The following ESRRG variants were observed in gnomAD, a reference collection of about 807,000 sequenced individuals.
ESRRG encodes the protein estrogen-related receptor gamma.
In ESRRG, 13 loss-of-function variants were observed where a neutral mutation model predicts 44.0. The observed-to-expected ratio is 0.30, with a 90% CI of 0.19 to 0.47. The LOEUF (loss-of-function observed/expected upper bound fraction) is 0.47, where lower values mean the gene tolerates loss of function less well. Ranked by LOEUF, ESRRG falls within the 20% of genes least tolerant of loss-of-function variation. The pLI is 1.00. For synonymous variants in ESRRG, 215 were observed against 214.6 expected, an observed-to-expected ratio of 1.00 and a Z score of -0.02; for missense variants, 395 against 580.6, an observed-to-expected ratio of 0.68 and a Z score of 3.29.
intron 3 of ESRRG, among the ~76,000 whole-genome samples, chr1:216,632,066 A>G (rs1004411738): frequency 6.6e-6 from 1 of 152,242 alleles, no homozygotes; most frequent in Non-Finnish European, 1.5e-5. Flanking sequence ...CTAAAACTCT[A>G]TGACAATAAA....
chr1:216,984,378 G>A (rs963645821), intron 1 of ESRRG, among the ~76,000 whole-genome samples: 4 of 152,142 alleles, frequency 2.6e-5, no homozygotes, highest in Admixed American at 6.5e-5. Flanking sequence ...AAACATAAAA[G>A]GGTATTTTGG....
At position 216,858,482 on chromosome 1, in the gene ESRRG, T is replaced by C. The variant is rs191095172; in HGVS notation, c.-14+81100A>G. On this transcript the variant is annotated intron_variant, in intron 2 of 7. Transcript: ENST00000359162. ...TAAAATAATTAATTAAATGAAGTTG[T>C]TGTACGACCTCACTAGAGTTGCACT... 3.1e-3 allele frequency among the ~76,000 whole-genome samples: 432 copies of C among 138,806 alleles called. 1 individual carries two copies. Among genetic ancestry groups the C allele is most frequent in the African/African-American group, 0.012 (414 of 35,248 alleles). 91.1% of individuals were successfully genotyped at this position (138,806 alleles called of 152,430 possible).
chr1:216,810,367 T>C (rs2094931105), intron 2 of ESRRG, among the ~76,000 whole-genome samples: 1 of 152,048 alleles, frequency 6.6e-6, no homozygotes. Context: ...CACAGTGGCA[T>C]ATATGTCAGT....
At chr1:216,699,256 A>G (rs1559294543) in intron 1 of ESRRG, among the ~76,000 whole-genome samples, 1 of 152,192 alleles carries the variant, frequency 6.6e-6, no homozygotes, top group Non-Finnish European at 1.5e-5. Flanking sequence ...AAAGATTTAT[A>G]TTATGGGTGA....
intron 2 of ESRRG, among the ~76,000 whole-genome samples, chr1:216,871,987 C>T (rs1577469267): frequency 6.6e-6 from 1 of 152,024 alleles, no homozygotes; most frequent in Admixed American, 6.6e-5. Flanking sequence ...TATCTTAGAG[C>T]TGACTTGCTG....
chr1:216,532,178 G>A (rs1157207495), intron 5 of ESRRG, among the ~76,000 whole-genome samples: 1 of 151,408 alleles, frequency 6.6e-6, no homozygotes, highest in African/African-American at 2.4e-5. Flanking sequence ...ATTAGCCATC[G>A]GCAGACTCTT....
At chr1:216,933,359 G>T (rs1431118655) in intron 2 of ESRRG, among the ~76,000 whole-genome samples, 1 of 151,864 alleles carries the variant, frequency 6.6e-6, no homozygotes, top group Non-Finnish European at 1.5e-5. Context: ...TTTCACTTAG[G>T]CTTTCTAATT....
At chr1:216,791,585 CA>C in intron 2 of ESRRG, among the ~76,000 whole-genome samples, 1 of 152,200 alleles carries the variant, frequency 6.6e-6, no homozygotes, top group East Asian at 1.9e-4. Flanking sequence ...TGCCCTTCAT[CA>C]TCAATACATT....
chr1:216,808,113 T>C lies in ESRRG; in HGVS notation c.-13-130622A>G, dbSNP rs192668602. On this transcript the variant is annotated intron_variant, in intron 2 of 7. Coordinates refer to the ESRRG transcript ENST00000359162. The stretch of plus-strand genomic sequence containing the variant: ...TTCTTTCTATACTGGCCCTGACAGA[T>C]TGAATTGAGACTCCTTTCAGGGAGG... Among the ~76,000 whole-genome samples, 358 of 152,250 alleles carry C rather than the reference T, an allele frequency of 2.4e-3. 1 individual carries two copies. Among genetic ancestry groups the C allele is most frequent in the African/African-American group, 7.7e-3 (321 of 41,552 alleles).
chr1:216,557,768 G>A (rs1418169027), intron 5 of ESRRG, among the ~76,000 whole-genome samples: 1 of 152,134 alleles, frequency 6.6e-6, no homozygotes, highest in Non-Finnish European at 1.5e-5. Flanking sequence ...ATGTATTTAT[G>A]CAGACATAGA....
intron 1 of ESRRG, among the ~76,000 whole-genome samples, chr1:216,702,292 GTGAAGAAAGAAATCTATAA>G (rs2081520039): frequency 6.6e-6 from 1 of 152,052 alleles, no homozygotes; most frequent in Non-Finnish European, 1.5e-5. Context: ...ATGAGAGAGG[GTGAAGAAAGAAATCTATAA>G]GAGGCCAAAA....
intron 2 of ESRRG, among the ~76,000 whole-genome samples, chr1:216,881,752 G>GA (rs1167097537): frequency 1.3e-5 from 2 of 152,128 alleles, no homozygotes; most frequent in Admixed American, 6.6e-5. Context: ...ACAAATATAT[G>GA]AAAGGAGGAT....
intron 3 of ESRRG, among the ~76,000 whole-genome samples, chr1:216,629,853 A>AG (rs2063818472): frequency 6.6e-6 from 1 of 152,110 alleles, no homozygotes; most frequent in South Asian, 2.1e-4. Flanking sequence ...TCAAATTAAG[A>AG]GGGGGGAAAT....
intron 1 of ESRRG, among the ~76,000 whole-genome samples, chr1:216,704,198 T>C (rs2082006941): frequency 6.6e-6 from 1 of 152,262 alleles, no homozygotes; most frequent in Non-Finnish European, 1.5e-5. Context: ...TCAAGTGGGA[T>C]ACTGTTAACT....
chr1:216,582,787 T>A (rs943648500), intron 3 of ESRRG, among the ~76,000 whole-genome samples: 1 of 152,216 alleles, frequency 6.6e-6, no homozygotes, highest in Non-Finnish European at 1.5e-5. Flanking sequence ...TTTCTCTAAT[T>A]TCTTGCATTG....
intron 1 of ESRRG, among the ~76,000 whole-genome samples, chr1:216,973,828 A>G (rs1213490399): frequency 1.0e-5 from 1 of 96,482 alleles, no homozygotes; most frequent in Non-Finnish European, 2.2e-5. Flanking sequence ...CTCTGTCTCA[A>G]AAAAAAAAAA....
At chr1:217,079,445 G>A (rs2091572031) in intron 1 of ESRRG, among the ~76,000 whole-genome samples, 1 of 152,126 alleles carries the variant, frequency 6.6e-6, no homozygotes, top group South Asian at 2.1e-4. Flanking sequence ...CTGGGCAATT[G>A]GTGAATTATC....
chr1:216,780,141 A>G (rs1053937499), intron 2 of ESRRG, among the ~76,000 whole-genome samples: 1 of 152,036 alleles, frequency 6.6e-6, no homozygotes, highest in African/African-American at 2.4e-5. Context: ...CTCATGTGCC[A>G]TAGCCAATGA....
At chr1:216,568,157 A>C in intron 3 of ESRRG, 59 bp from the exon 4 acceptor site, 2 of 1,157,046 alleles carry the variant, frequency 1.7e-6, no homozygotes, top group Non-Finnish European at 1.3e-6. Context: ...AGACCAATCA[A>C]ATACCTAGAT....
Sources: allele counts gnomAD v4.1 joint callset (sites outside exome capture counted in the v4.1 genomes callset), GRCh38; gene constraint gnomAD v4.1.1; transcripts MANE v1.5; gene names NCBI Gene and HGNC (gene_info 2026-07-23, HGNC 2026-07-21).